Variants in SH3GL2 observed in about 807,000 individuals in gnomAD.
SH3GL2 encodes endophilin-A1.
A neutral mutation model predicts 46.0 loss-of-function variants in SH3GL2; 24 were observed. That is an observed-to-expected ratio of 0.52 (90% CI 0.38 to 0.73). The LOEUF (loss-of-function observed/expected upper bound fraction) is 0.73, where lower values mean the gene tolerates loss of function less well. SH3GL2 is among the 30% of genes least tolerant of loss of function. The pLI, the probability that SH3GL2 is intolerant of heterozygous loss-of-function variation, is 0.00. For missense variants in SH3GL2, 413 were observed against 424.2 expected, an observed-to-expected ratio of 0.97 and a Z score of 0.23; for synonymous variants, 196 against 147.1, an observed-to-expected ratio of 1.33 and a Z score of -2.40.
At chr9:17,587,927 C>T (rs1465015299) in intron 1 of SH3GL2, among the ~76,000 whole-genome samples, 1 of 151,654 alleles carries the variant, frequency 6.6e-6, no homozygotes, top group Non-Finnish European at 1.5e-5. Flanking sequence ...AAAACTTCAA[C>T]TTAATAGGCT....
intron 1 of SH3GL2, among the ~76,000 whole-genome samples, chr9:17,707,992 A>T (rs922236993): frequency 1.3e-5 from 2 of 152,106 alleles, no homozygotes; most frequent in Non-Finnish European, 2.9e-5. Context: ...GATTTTATGC[A>T]TGATGTCCCC....
intron 1 of SH3GL2, among the ~76,000 whole-genome samples, chr9:17,684,542 A>G (rs1196266352): frequency 6.6e-6 from 1 of 152,118 alleles, no homozygotes; most frequent in Non-Finnish European, 1.5e-5. Flanking sequence ...AAATAGTGCA[A>G]TACAAAAAAT....
At position 17,614,362 on chromosome 9, in the gene SH3GL2, G is replaced by C. The variant is rs77343760; in HGVS notation, c.45+35075G>C. Among the ~76,000 whole-genome samples, 1,217 of 146,628 alleles carry C rather than the reference G, an allele frequency of 8.3e-3. 10 individuals carry two copies. The highest frequency in any genetic ancestry group is 0.013 in the Non-Finnish European group (867 of 66,848). On this transcript the variant is annotated intron_variant, in intron 1 of 8. Transcript: ENST00000380607. ...TAGATTTGGAAATTAGCATAGCTAG[G>C]CTAGCCAGATCCCTCTTTTGGAGGA...
rs931201192 is a variant in SH3GL2, at chr9:17,677,577, A to G, written c.46-69489A>G. 9.9e-5 allele frequency among the ~76,000 whole-genome samples: 15 copies of G among 151,898 alleles called. No homozygotes were observed. The East Asian group carries it at 2.9e-3, about 29-fold the overall frequency. ...ACTTTTATTTTTTGATTACTTGTAA[A>G]AGAATGCTATTCTTGATCTACTGTT... is the stretch of plus-strand genomic sequence containing the variant. On this transcript the variant is annotated intron_variant, in intron 1 of 8. Transcript: ENST00000380607.
At chr9:17,603,752 C>T (rs755809760) in intron 1 of SH3GL2, among the ~76,000 whole-genome samples, 2 of 151,914 alleles carry the variant, frequency 1.3e-5, no homozygotes, top group African/African-American at 4.8e-5. Context: ...CCCAGCTACT[C>T]GGGAGGCTGA....
chr9:17,716,396 T>C (rs116588090), intron 1 of SH3GL2, among the ~76,000 whole-genome samples: 3 of 152,264 alleles, frequency 2.0e-5, no homozygotes, highest in African/African-American at 7.2e-5. Context: ...TAATATTTGC[T>C]AGGAGGGACC....
At chr9:17,794,650 C>T (rs987517170) in intron 8 of SH3GL2, among the ~76,000 whole-genome samples, 2 of 152,122 alleles carry the variant, frequency 1.3e-5, no homozygotes, top group Non-Finnish European at 1.5e-5. Context: ...GAACTGTGTG[C>T]ACTTGTCTGA....
intron 1 of SH3GL2, among the ~76,000 whole-genome samples, chr9:17,612,173 CTAGTTCTGT>C (rs1818882013): frequency 6.6e-6 from 1 of 152,138 alleles, no homozygotes; most frequent in Admixed American, 6.6e-5. Context: ...TCCTCTCTCT[CTAGTTCTGT>C]GCACAGAAGG....
At chr9:17,734,002 A>G (rs924040356) in intron 1 of SH3GL2, among the ~76,000 whole-genome samples, 1 of 152,082 alleles carries the variant, frequency 6.6e-6, no homozygotes, top group Non-Finnish European at 1.5e-5. Flanking sequence ...GAACTCTGGT[A>G]ACATGAGTTG....
chr9:17,630,791 G>C (rs1376920418), intron 1 of SH3GL2, among the ~76,000 whole-genome samples: 1 of 152,172 alleles, frequency 6.6e-6, no homozygotes, highest in Non-Finnish European at 1.5e-5. Context: ...TTTGGAAGAA[G>C]AGGGTGGGGG....
intron 2 of SH3GL2, among the ~76,000 whole-genome samples, chr9:17,760,267 G>T (rs796516632): frequency 6.6e-5 from 10 of 152,184 alleles, no homozygotes; most frequent in African/African-American, 2.4e-4. Context: ...GTTTTCCTCT[G>T]TTGATCCTAG....
At chr9:17,751,047 C>T (rs1277165819) in intron 2 of SH3GL2, among the ~76,000 whole-genome samples, 4 of 152,132 alleles carry the variant, frequency 2.6e-5, no homozygotes, top group African/African-American at 9.7e-5. Context: ...ATTCAGAATT[C>T]TAAGCTGAGG....
At chr9:17,631,655 A>G (rs1819428808) in intron 1 of SH3GL2, among the ~76,000 whole-genome samples, 1 of 151,978 alleles carries the variant, frequency 6.6e-6, no homozygotes. Context: ...TTTGAATACC[A>G]CCCCCATGCA....
chr9:17,670,808 G>A (rs75324635), intron 1 of SH3GL2, among the ~76,000 whole-genome samples: 1 of 152,006 alleles, frequency 6.6e-6, no homozygotes, highest in African/African-American at 2.4e-5. Context: ...GAAATAATGG[G>A]ACTTACATAT....
chr9:17,628,075 A>G (rs1332997831), intron 1 of SH3GL2, among the ~76,000 whole-genome samples: 2 of 152,182 alleles, frequency 1.3e-5, no homozygotes, highest in Non-Finnish European at 2.9e-5. Flanking sequence ...AAGGTACAAA[A>G]TATTAAATAT....
intron 3 of SH3GL2, among the ~76,000 whole-genome samples, chr9:17,772,026 T>A (rs915064012): frequency 6.6e-6 from 1 of 152,174 alleles, no homozygotes; most frequent in African/African-American, 2.4e-5. Flanking sequence ...ATTTCGTAAT[T>A]GTTAGTGTGC....
At chr9:17,641,227 T>G (rs1819673591) in intron 1 of SH3GL2, among the ~76,000 whole-genome samples, 1 of 152,206 alleles carries the variant, frequency 6.6e-6, no homozygotes, top group Non-Finnish European at 1.5e-5. Flanking sequence ...GCAAACAGTT[T>G]TTCCAGTCTC....
At chr9:17,650,917 A>T (rs528315157) in intron 1 of SH3GL2, among the ~76,000 whole-genome samples, 67 of 152,164 alleles carry the variant, frequency 4.4e-4, no homozygotes, top group African/African-American at 1.6e-3. Context: ...GAACAATAGG[A>T]ATTTTCCCAG....
chr9:17,680,944 G>C (rs1254386231), intron 1 of SH3GL2, among the ~76,000 whole-genome samples: 2 of 152,124 alleles, frequency 1.3e-5, no homozygotes, highest in Non-Finnish European at 2.9e-5. Context: ...GCAGTTTTGA[G>C]TGAGTTTCTT....
Sources: gnomAD v4.1 joint callset for allele counts (sites outside exome capture counted in the v4.1 genomes callset) on GRCh38, gnomAD v4.1.1 for gene constraint, MANE v1.5 for transcripts, NCBI Gene and HGNC (gene_info 2026-07-23, HGNC 2026-07-21) for gene names.